Variants in CNTN4 observed in about 807,000 individuals in gnomAD.
CNTN4 encodes the protein contactin-4.
A neutral mutation model predicts 122.5 loss-of-function variants in CNTN4; 77 were observed. The observed-to-expected ratio is 0.63, with a 90% CI of 0.52 to 0.76. CNTN4 has a LOEUF of 0.76. CNTN4 is among the 30% of genes least tolerant of loss of function. The probability of loss-of-function intolerance (pLI) is 0.00; values close to 1 mark genes in which losing one functional copy is unlikely to be tolerated. For missense variants in CNTN4, 1,256 were observed against 1,259.1 expected, an observed-to-expected ratio of 1.00 and a Z score of 0.04; for synonymous variants, 512 against 447.0, an observed-to-expected ratio of 1.15 and a Z score of -1.83.
At position 2,925,719 on chromosome 3, in the gene CNTN4, C is replaced by T. The variant is rs1330078093; in HGVS notation, c.1298C>T (p.Ala433Val). 1.9e-6 allele frequency: 3 copies of T among 1,613,504 alleles called. No homozygotes were observed. The highest frequency in any genetic ancestry group is 2.7e-5 in the African/African-American group (2 of 74,822). Residue 433 changes from alanine to valine, a missense_variant, in exon 13 of 25, where the codon GCG becomes GTG. Coordinates refer to ENST00000418658, the MANE Select transcript of CNTN4 (RefSeq NM_175607.3). ...GEVVIECKPK[A>V]SPKPVYTWKK... The stretch of plus-strand genomic sequence containing the variant: ...GTTGTCATTGAGTGTAAGCCAAAAG[C>T]GTCTCCAAAACCTGTTTACACCTGG...
At chr3:2,495,092 A>G (rs745851047) in intron 3 of CNTN4, among the ~76,000 whole-genome samples, 1 of 152,202 alleles carries the variant, frequency 6.6e-6, no homozygotes, top group Non-Finnish European at 1.5e-5. Flanking sequence ...GGCTTCATCT[A>G]TTGCAGAGCA....
intron 2 of CNTN4, among the ~76,000 whole-genome samples, chr3:2,122,623 G>A (rs943658813): frequency 2.0e-5 from 3 of 152,038 alleles, no homozygotes; most frequent in Non-Finnish European, 4.4e-5. Flanking sequence ...AAGAAGAATT[G>A]GAATTTTTTT....
intron 4 of CNTN4, among the ~76,000 whole-genome samples, chr3:2,681,025 T>C (rs1390151331): frequency 6.6e-6 from 1 of 152,162 alleles, no homozygotes; most frequent in African/African-American, 2.4e-5. Context: ...ACAAAATGTA[T>C]AGGGAATGCT....
At chr3:2,344,802 T>C (rs1008274541) in intron 3 of CNTN4, among the ~76,000 whole-genome samples, 1 of 152,232 alleles carries the variant, frequency 6.6e-6, no homozygotes, top group African/African-American at 2.4e-5. Flanking sequence ...CCATAACTGA[T>C]ACTTTTATAA....
chr3:2,850,872 T>G (rs1179797547), intron 7 of CNTN4, among the ~76,000 whole-genome samples: 1 of 152,176 alleles, frequency 6.6e-6, no homozygotes, highest in African/African-American at 2.4e-5. Flanking sequence ...AACTTAAGAA[T>G]GTGTTTCAAT....
intron 2 of CNTN4, among the ~76,000 whole-genome samples, chr3:2,181,673 C>A (rs915290125): frequency 6.6e-6 from 1 of 152,046 alleles, no homozygotes; most frequent in African/African-American, 2.4e-5. Flanking sequence ...GCCAAAGTTG[C>A]TTTTCATCAC....
chr3:2,191,953 C>T (rs1404785920), intron 2 of CNTN4, among the ~76,000 whole-genome samples: 1 of 151,538 alleles, frequency 6.6e-6, no homozygotes, highest in African/African-American at 2.4e-5. Flanking sequence ...TTGTTCAGTT[C>T]CCACCTATGA....
intron 3 of CNTN4, among the ~76,000 whole-genome samples, chr3:2,479,057 C>T (rs1204692643): frequency 6.6e-6 from 1 of 152,094 alleles, no homozygotes; most frequent in Non-Finnish European, 1.5e-5. Flanking sequence ...GCAGGACTTT[C>T]ATCTTTGCTC....
intron 6 of CNTN4, among the ~76,000 whole-genome samples, chr3:2,747,369 A>G (rs1161780458): frequency 2.0e-5 from 3 of 151,252 alleles, no homozygotes; most frequent in South Asian, 2.1e-4. Context: ...AGATGGCGCC[A>G]CTGGACTCCA....
intron 3 of CNTN4, among the ~76,000 whole-genome samples, chr3:2,357,779 G>A (rs746919281): frequency 2.0e-5 from 3 of 152,288 alleles, no homozygotes; most frequent in African/African-American, 4.8e-5. Flanking sequence ...CCTGCAACAC[G>A]TAATTTAGCT....
intron 23 of CNTN4, among the ~76,000 whole-genome samples, chr3:3,052,728 T>C (rs1574946696): frequency 6.6e-6 from 1 of 152,160 alleles, no homozygotes; most frequent in African/African-American, 2.4e-5. Flanking sequence ...GGGCCCAAGA[T>C]GAAAACAGGA....
intron 16 of CNTN4, among the ~76,000 whole-genome samples, chr3:3,033,804 C>T (rs1699379604): frequency 6.6e-6 from 1 of 152,218 alleles, no homozygotes; most frequent in Non-Finnish European, 1.5e-5. Flanking sequence ...AGCTGCTTTC[C>T]ATCCCTCTAT....
At chr3:2,166,803 A>G (rs1334443857) in intron 2 of CNTN4, among the ~76,000 whole-genome samples, 1 of 152,162 alleles carries the variant, frequency 6.6e-6, no homozygotes, top group Non-Finnish European at 1.5e-5. Context: ...GAGAAACATT[A>G]CTTACATATG....
chr3:2,150,237 T>C (rs1185512118), intron 2 of CNTN4, among the ~76,000 whole-genome samples: 2 of 152,150 alleles, frequency 1.3e-5, no homozygotes, highest in Non-Finnish European at 2.9e-5. Context: ...GGATAGATCA[T>C]TTAGTTCATA....
chr3:2,972,060 A>G (rs1692979828), intron 13 of CNTN4, among the ~76,000 whole-genome samples: 1 of 152,146 alleles, frequency 6.6e-6, no homozygotes, highest in African/African-American at 2.4e-5. Flanking sequence ...TTACAGCTCT[A>G]ATTTATGGCA....
chr3:2,622,155 G>A (rs1286672314), intron 4 of CNTN4, among the ~76,000 whole-genome samples: 3 of 152,100 alleles, frequency 2.0e-5, no homozygotes, highest in Admixed American at 6.6e-5. Flanking sequence ...TCTAGATTCT[G>A]CGTTTGGTTA....
intron 3 of CNTN4, among the ~76,000 whole-genome samples, chr3:2,499,784 T>G (rs1167087695): frequency 6.6e-6 from 1 of 152,180 alleles, no homozygotes; most frequent in East Asian, 1.9e-4. Flanking sequence ...ACAGGGAGTT[T>G]GATAAGAATT....
intron 4 of CNTN4, among the ~76,000 whole-genome samples, chr3:2,649,215 G>A (rs1167361473): frequency 6.6e-6 from 1 of 152,166 alleles, no homozygotes; most frequent in Non-Finnish European, 1.5e-5. Flanking sequence ...ATTAATAAAG[G>A]TGGCTACCCT....
chr3:3,015,238 G>A (rs181851898), intron 14 of CNTN4, among the ~76,000 whole-genome samples: 1 of 152,108 alleles, frequency 6.6e-6, no homozygotes. Flanking sequence ...ACAATTGCAG[G>A]GGACCTAATA....
Sources: allele counts gnomAD v4.1 joint callset (sites outside exome capture counted in the v4.1 genomes callset), GRCh38; gene constraint gnomAD v4.1.1; transcripts MANE v1.5; gene names NCBI Gene and HGNC (gene_info 2026-07-23, HGNC 2026-07-21).